The following RPS6KA1 variants were observed in gnomAD, a reference collection of about 807,000 sequenced individuals.
RPS6KA1 encodes the protein ribosomal protein S6 kinase alpha-1.
A neutral mutation model predicts 91.3 loss-of-function variants in RPS6KA1; 48 were observed. The observed-to-expected ratio is 0.53, with a 90% confidence interval of 0.42 to 0.67. The LOEUF (loss-of-function observed/expected upper bound fraction) is 0.67, where lower values mean the gene tolerates loss of function less well. RPS6KA1 is among the 30% of genes least tolerant of loss of function. RPS6KA1 has a pLI of 0.00. For synonymous variants in RPS6KA1, 359 were observed against 384.7 expected (o/e 0.93, Z 0.78); for missense variants, 719 against 960.5 (o/e 0.75, Z 3.32).
In RPS6KA1 at chr1:26,544,282, G is replaced by A. The variant is rs1021415355; in HGVS notation, c.109-2585G>A. 3.1e-5 allele frequency: 14 copies of A among 447,680 alleles called. 1 individual carries two copies. Among genetic ancestry groups the A allele is most frequent in the African/African-American group, 1.4e-4 (7 of 49,876 alleles). 27.7% of individuals were successfully genotyped at this position (447,680 alleles called of 1,614,324 possible). ...CAATCTCTGTCTCCACTTGATAAGT[G>A]CCTGACTTCACCTTTTGGGTACATG... is the stretch of plus-strand genomic sequence containing the variant. On this transcript the variant is annotated intron_variant, in intron 2 of 21. Coordinates refer to ENST00000374168, the MANE Select transcript of RPS6KA1 (RefSeq NM_002953.4).
chr1:26,560,330 C>T (rs1463554249), intron 14 of RPS6KA1, among the ~76,000 whole-genome samples: 1 of 152,218 alleles, frequency 6.6e-6, no homozygotes, highest in Non-Finnish European at 1.5e-5. Context: ...TGTGACACCC[C>T]AGAAAGGGAG....
In RPS6KA1 at chr1:26,556,707, A is replaced by C; in HGVS notation, c.970A>C (p.Ile324Leu). The change falls in exon 12 of 22, where the codon ATT (isoleucine) becomes CTT (leucine). Residue 324 changes from isoleucine to leucine, a missense_variant. Around this residue, in one of 5 missense-constraint regions of RPS6KA1, gnomAD observed 228 missense variants for 247.6 expected, o/e 0.92. Coordinates refer to ENST00000374168, the MANE Select transcript of RPS6KA1 (RefSeq NM_002953.4). ...EIKRHVFYST[I>L]DWNKLYRREI... ...CAAGCGGCATGTCTTCTACTCCACCATTGACTGGAATGTGAGTGTGTCCAC... is the reference window on the plus strand; with the variant it reads ...CAAGCGGCATGTCTTCTACTCCACCCTTGACTGGAATGTGAGTGTGTCCAC... 6.2e-7 allele frequency: 1 copy of C among 1,614,108 alleles called. No individual in the cohort carries two copies. Among genetic ancestry groups the C allele is most frequent in the Non-Finnish European group, 8.5e-7 (1 of 1,180,006 alleles).
chr1:26,530,052 C>A (rs2075856984), intron 1 of RPS6KA1, 69 bp downstream of exon 1: 1 of 1,109,826 alleles, frequency 9.0e-7, no homozygotes, highest in Non-Finnish European at 1.1e-6. Context: ...GGCGGGGCGG[C>A]CCGAAGCGCC....
intron 4 of RPS6KA1, among the ~76,000 whole-genome samples, chr1:26,550,354 T>C (rs2076038922): frequency 6.6e-6 from 1 of 151,868 alleles, no homozygotes; most frequent in Non-Finnish European, 1.5e-5. Context: ...GCTAATTTTT[T>C]GTATTTTTTA....
At chr1:26,562,825 C>CT (rs748764001) in intron 17 of RPS6KA1, among the ~76,000 whole-genome samples, 3,523 of 81,406 alleles carry the variant, frequency 0.043, 594 homozygotes, top group Non-Finnish European at 0.052. Flanking sequence ...TCCTATTGTC[C>CT]TTTTTTTTTT....
chr1:26,548,482 C>T (rs904980543), intron 4 of RPS6KA1, among the ~76,000 whole-genome samples: 1 of 152,058 alleles, frequency 6.6e-6, no homozygotes, highest in Admixed American at 6.6e-5. Context: ...TTTGCCTGAA[C>T]TAAAGTGTAG....
intron 6 of RPS6KA1, chr1:26,552,833 CA>C (rs2076065085): frequency 2.4e-6 from 1 of 424,038 alleles, no homozygotes; most frequent in Non-Finnish European, 4.7e-6. Flanking sequence ...ATACATGATT[CA>C]AAAGAAAAAT....
Position 26,551,838 on chromosome 1 carries a change from C to G in RPS6KA1, c.468+115C>G. ...GGTATGGCTTGAACCTGGAACCACC[C>G]AGGCCTGCCTAGCAGCCCCTGGCCC... On this transcript the variant is annotated intron_variant, in intron 6 of 21. Transcript: ENST00000374168. The surrounding 1 kb of genome is among the most constrained non-coding windows in gnomAD (Gnocchi z 4.5). 1.1e-6 allele frequency: 1 copy of G among 892,588 alleles called. No individual in the cohort carries two copies. Among genetic ancestry groups the G allele is most frequent in the Non-Finnish European group, 1.8e-6 (1 of 548,684 alleles). The allele number at this position is 892,588 out of a possible 1,614,324, so 55.3% of individuals were successfully genotyped here.
Position 26,551,771 on chromosome 1 carries a change from C to G in RPS6KA1, c.468+48C>G. 6.7e-7 allele frequency: 1 copy of G among 1,495,254 alleles called. No homozygotes were observed. Among genetic ancestry groups the G allele is most frequent in the Non-Finnish European group, 9.3e-7 (1 of 1,071,928 alleles). 92.6% of individuals were successfully genotyped at this position (1,495,254 alleles called of 1,614,324 possible). ...AGGGCCCCGGGATGGAGCTGAGGGA[C>G]GACAAGTCCTCCCATCCCAGGGCCC... On this transcript the variant is annotated intron_variant, in intron 6 of 21. Coordinates refer to ENST00000374168, the MANE Select transcript of RPS6KA1 (RefSeq NM_002953.4). The surrounding 1 kb of genome is among the most constrained non-coding windows in gnomAD (Gnocchi z 4.5).
chr1:26,562,289 C>T (rs190843858), intron 17 of RPS6KA1, among the ~76,000 whole-genome samples: 337 of 152,306 alleles, frequency 2.2e-3, no homozygotes, highest in Admixed American at 4.1e-3. Context: ...GGCCCCACTT[C>T]ACAGGTAAGA....
chr1:26,544,277 T>C (rs1470910966), intron 2 of RPS6KA1: 2 of 451,438 alleles, frequency 4.4e-6, no homozygotes, highest in Non-Finnish European at 9.0e-6. Context: ...CTCCACTTGA[T>C]AAGTGCCTGA....
chr1:26,568,601 T>A (rs1232802832), intron 17 of RPS6KA1, among the ~76,000 whole-genome samples: 1 of 151,940 alleles, frequency 6.6e-6, no homozygotes. Flanking sequence ...ATACAAAGAA[T>A]TAGCTGGGCA....
chr1:26,549,115 C>T (rs2076022755), intron 4 of RPS6KA1, among the ~76,000 whole-genome samples: 1 of 150,040 alleles, frequency 6.7e-6, no homozygotes, highest in Admixed American at 6.7e-5. Flanking sequence ...AGAATTCATA[C>T]TAGATGGATG....
In RPS6KA1 at chr1:26,574,102, C is replaced by T. The variant is rs144389719; in HGVS notation, c.2109C>T (p.Ser703=). ...AGGGAGCCATGGCTGCCACGTACTC[C>T]GCACTCAACAGCTCCAAGCCCACCC... ...LVKGAMAATY[S]ALNSSKPTPQ... Residue 703 remains serine, a synonymous_variant, in exon 22 of 22, where the codon TCC becomes TCT. Transcript: ENST00000374168. The surrounding 1 kb of genome is among the most constrained non-coding windows in gnomAD (Gnocchi z 4.3). 2.0e-4 allele frequency: 325 copies of T among 1,614,138 alleles called. No homozygotes were observed. Among genetic ancestry groups the T allele is most frequent in the Non-Finnish European group, 2.4e-4 (285 of 1,180,010 alleles).
chr1:26,570,370 C>T (rs1263864634), intron 17 of RPS6KA1, among the ~76,000 whole-genome samples: 1 of 152,078 alleles, frequency 6.6e-6, no homozygotes, highest in Non-Finnish European at 1.5e-5. Context: ...TGCCTCTAGT[C>T]CCAGCTGCTT....
intron 21 of RPS6KA1, 113 bp from the exon 22 acceptor site, chr1:26,573,966 C>CA (rs2076273448): frequency 6.2e-6 from 8 of 1,280,990 alleles, no homozygotes; most frequent in South Asian, 1.5e-5. Context: ...AAAACAAAAC[C>CA]AAAAAAAGTG....
chr1:26,549,726 G>T (rs1387516331), intron 4 of RPS6KA1, among the ~76,000 whole-genome samples: 1 of 140,446 alleles, frequency 7.1e-6, no homozygotes, highest in Non-Finnish European at 1.5e-5. Context: ...TCCCGAGATG[G>T]AGTCTCACTC....
At position 26,540,455 on chromosome 1, in the gene RPS6KA1, AC is replaced by A. The variant is rs1162441178; in HGVS notation, c.108+3489del. On this transcript the variant is annotated intron_variant, in intron 2 of 21. Coordinates refer to ENST00000374168, the MANE Select transcript of RPS6KA1 (RefSeq NM_002953.4). The surrounding 1 kb of genome is among the most constrained non-coding windows in gnomAD (Gnocchi z 4.2). ...TGGCCAACATTTGTTCATCCTCAGGACCCAGCTGGGCTGCCCCTCTCTGGAA... is the reference window on the plus strand; with the variant it reads ...TGGCCAACATTTGTTCATCCTCAGGACCAGCTGGGCTGCCCCTCTCTGGAA... 6.6e-6 allele frequency among the ~76,000 whole-genome samples: 1 copy of A among 152,082 alleles called. No homozygotes were observed. The highest frequency in any genetic ancestry group is 1.5e-5 in the Non-Finnish European group (1 of 68,008).
chr1:26,536,400 G>T (rs574788293), intron 1 of RPS6KA1, among the ~76,000 whole-genome samples: 33 of 152,300 alleles, frequency 2.2e-4, no homozygotes, highest in African/African-American at 6.3e-4. Context: ...TCAGGGGAGG[G>T]GTCCCAGAGT....
Sources: allele counts gnomAD v4.1 joint callset (sites outside exome capture counted in the v4.1 genomes callset), GRCh38; gene constraint gnomAD v4.1.1; regional missense constraint gnomAD v4.1.1; non-coding constraint Gnocchi (gnomAD v3.1); transcripts MANE v1.5; gene names NCBI Gene and HGNC (gene_info 2026-07-23, HGNC 2026-07-21).